The following SUSD1 variants were observed in gnomAD, a reference collection of about 807,000 sequenced individuals.
The protein encoded by SUSD1 is sushi domain-containing protein 1.
Under a neutral mutation model 86.9 loss-of-function variants are expected in SUSD1, and 65 were observed. The ratio of observed to expected loss-of-function variants is 0.75; its 90% confidence interval spans 0.61 to 0.92. The LOEUF (loss-of-function observed/expected upper bound fraction) is 0.92, where lower values mean the gene tolerates loss of function less well. Among genes scored for constraint, SUSD1 ranks in the 40% least tolerant of loss-of-function variants. The pLI, the probability that SUSD1 is intolerant of heterozygous loss-of-function variation, is 0.00. For synonymous variants in SUSD1, 346 were observed against 350.0 expected (o/e 0.99, Z 0.13); for missense variants, 850 against 929.7 (o/e 0.91, Z 1.11).
chr9:112,064,693 T>A (rs1304597594), intron 12 of SUSD1, among the ~76,000 whole-genome samples: 1 of 152,108 alleles, frequency 6.6e-6, no homozygotes, highest in Non-Finnish European at 1.5e-5. Context: ...CTGGCCAACA[T>A]GGTGAGACTC....
At chr9:112,153,030 C>T (rs111543864) in intron 2 of SUSD1, among the ~76,000 whole-genome samples, 14,058 of 151,960 alleles carry the variant, frequency 0.093, 904 homozygotes, top group Non-Finnish European at 0.14. Flanking sequence ...CTTTGGGAGG[C>T]CAAGGCAAGA....
chr9:112,064,877 G>GAAA (rs558673175), intron 12 of SUSD1, among the ~76,000 whole-genome samples: 3 of 88,002 alleles, frequency 3.4e-5, no homozygotes, highest in Non-Finnish European at 4.7e-5. Flanking sequence ...CTCTGTCTCA[G>GAAA]AAAAAAAAAA....
chr9:112,115,716 C>T (rs192849799), intron 6 of SUSD1, among the ~76,000 whole-genome samples: 40 of 144,224 alleles, frequency 2.8e-4, no homozygotes, highest in African/African-American at 7.7e-4. Flanking sequence ...GACTGAGGCA[C>T]GAGAACTGCT....
chr9:112,049,754 T>C (rs922897727), intron 15 of SUSD1, among the ~76,000 whole-genome samples: 4 of 152,204 alleles, frequency 2.6e-5, no homozygotes, highest in Non-Finnish European at 5.9e-5. Context: ...ATGTTATACA[T>C]AAAAAAGTAT....
intron 3 of SUSD1, among the ~76,000 whole-genome samples, chr9:112,148,350 G>A (rs141199390): frequency 2.6e-5 from 4 of 152,096 alleles, no homozygotes; most frequent in Non-Finnish European, 5.9e-5. Flanking sequence ...TATTCGACCA[G>A]CCTATGCTCA....
intron 10 of SUSD1, among the ~76,000 whole-genome samples, chr9:112,094,641 A>AT (rs1389912242): frequency 6.6e-6 from 1 of 152,246 alleles, no homozygotes; most frequent in African/African-American, 2.4e-5. Flanking sequence ...ACAGGATAAG[A>AT]TTAGGGAGAA....
At chr9:112,125,130 T>C (rs1378804585) in intron 5 of SUSD1, among the ~76,000 whole-genome samples, 1 of 152,032 alleles carries the variant, frequency 6.6e-6, no homozygotes, top group African/African-American at 2.4e-5. Context: ...TCCGTTTATC[T>C]TTTCTGGGAA....
intron 5 of SUSD1, 99 bp from the exon 6 acceptor site, chr9:112,124,535 C>G: frequency 4.2e-6 from 5 of 1,177,834 alleles, no homozygotes; most frequent in Non-Finnish European, 5.7e-6. Flanking sequence ...AGAGGCCACT[C>G]AAACAGGAAA....
intron 15 of SUSD1, among the ~76,000 whole-genome samples, chr9:112,043,443 C>T (rs1046655497): frequency 1.3e-5 from 2 of 152,154 alleles, no homozygotes; most frequent in Non-Finnish European, 2.9e-5. Flanking sequence ...AACCAATCAG[C>T]ACTTCTGACT....
intron 7 of SUSD1, 126 bp downstream of exon 7, chr9:112,112,645 A>T: frequency 3.1e-6 from 2 of 635,984 alleles, no homozygotes; most frequent in East Asian, 2.9e-5. Flanking sequence ...CAAAAAAAAT[A>T]AAAGAAAAAA....
chr9:112,066,166 C>G (rs1266569082), intron 12 of SUSD1, among the ~76,000 whole-genome samples: 1 of 152,186 alleles, frequency 6.6e-6, no homozygotes, highest in Non-Finnish European at 1.5e-5. Context: ...TTCACTTTAC[C>G]TGAGATTAAA....
chr9:112,143,747 T>G (rs926693052), intron 3 of SUSD1, 124 bp from the exon 4 acceptor site: 2 of 943,374 alleles, frequency 2.1e-6, no homozygotes, highest in African/African-American at 1.7e-5. Context: ...GATGCATTTG[T>G]TTGCAATTGT....
intron 10 of SUSD1, among the ~76,000 whole-genome samples, chr9:112,089,612 G>A (rs1156740082): frequency 6.6e-6 from 1 of 152,102 alleles, no homozygotes; most frequent in African/African-American, 2.4e-5. Context: ...CTGAGGTCAG[G>A]AACAGCCTGA....
rs567460016 is a variant in SUSD1 at position 112,042,914 on chromosome 9, C to T, written c.2150-954G>A. Among the ~76,000 whole-genome samples the T allele has an allele frequency of 4.1e-5, 6 of 147,996 alleles. No individual in the cohort carries two copies. In the South Asian group the frequency reaches 1.3e-3, roughly 32 times the overall value. On this transcript the variant is annotated intron_variant, in intron 15 of 16. Coordinates refer to ENST00000374270, the MANE Select transcript of SUSD1 (RefSeq NM_022486.5). Reference sequence around the variant, plus strand: ...ATAGAATACACCTTGTGTTAAACAGCCCTGCAGAACTTGAAACCGCCTTTT... The same window carrying T: ...ATAGAATACACCTTGTGTTAAACAGTCCTGCAGAACTTGAAACCGCCTTTT...
chr9:112,111,956 G>A (rs1488204416), intron 7 of SUSD1, 116 bp from the exon 8 acceptor site: 1 of 1,083,994 alleles, frequency 9.2e-7, no homozygotes, highest in East Asian at 2.5e-5. Flanking sequence ...GCTCAGCCAG[G>A]GAGCATTCGT....
In SUSD1 at chr9:112,139,108, C is replaced by T. The variant is rs185433326; in HGVS notation, c.706+3212G>A. Among the ~76,000 whole-genome samples, 315 of 152,324 alleles carry T rather than the reference C, an allele frequency of 2.1e-3. 1 individual carries two copies. The highest frequency in any genetic ancestry group is 3.7e-3 in the Non-Finnish European group (251 of 68,016). On this transcript the variant is annotated intron_variant, in intron 5 of 16. Coordinates refer to ENST00000374270, the MANE Select transcript of SUSD1 (RefSeq NM_022486.5). ...GTAGTCCAAATAGTCCAAGGGCTACCTCTCCAATAGTGCCACATCCAGATG... is the reference window on the plus strand; with the variant it reads ...GTAGTCCAAATAGTCCAAGGGCTACTTCTCCAATAGTGCCACATCCAGATG...
rs556644045 is a variant in SUSD1 at position 112,144,042 on chromosome 9, C to G, written c.374-419G>C. The stretch of plus-strand genomic sequence containing the variant: ...ATCACTTGAGGTCAGGAGTTCGAGA[C>G]CAGCCTGGCCAACATAGTGAAACCT... On this transcript the variant is annotated intron_variant, in intron 3 of 16. Coordinates refer to ENST00000374270, the MANE Select transcript of SUSD1 (RefSeq NM_022486.5). 3.3e-5 allele frequency among the ~76,000 whole-genome samples: 5 copies of G among 152,218 alleles called. No individual in the cohort carries two copies. The East Asian group carries it at 7.7e-4, about 24-fold the overall frequency.
chr9:112,091,831 A>C (rs1325324525), intron 10 of SUSD1, among the ~76,000 whole-genome samples: 1 of 152,190 alleles, frequency 6.6e-6, no homozygotes, highest in Non-Finnish European at 1.5e-5. Flanking sequence ...TATTTTATTG[A>C]AATTTTTCTT....
At chr9:112,153,081 CATA>C (rs1833136954) in intron 2 of SUSD1, among the ~76,000 whole-genome samples, 1 of 151,688 alleles carries the variant, frequency 6.6e-6, no homozygotes, top group Non-Finnish European at 1.5e-5. Context: ...GCCTGGGCAA[CATA>C]ATGAGACCTT....
Sources: gnomAD v4.1 joint callset for allele counts (sites outside exome capture counted in the v4.1 genomes callset) on GRCh38, gnomAD v4.1.1 for gene constraint, MANE v1.5 for transcripts, NCBI Gene and HGNC (gene_info 2026-07-23, HGNC 2026-07-21) for gene names.